PHACTR3: variants seen among roughly 807,000 people sequenced by gnomAD.
The protein encoded by PHACTR3 is phosphatase and actin regulator 3.
A neutral mutation model predicts 66.8 loss-of-function variants in PHACTR3; 16 were observed. The observed-to-expected ratio is 0.24, with a 90% CI of 0.16 to 0.36. PHACTR3 has a LOEUF of 0.36. Among genes scored for constraint, PHACTR3 ranks in the 10% least tolerant of loss-of-function variants. PHACTR3 has a pLI of 1.00. For missense variants in PHACTR3, 647 were observed against 719.9 expected (o/e 0.90, Z 1.16); for synonymous variants, 323 against 292.1 (o/e 1.11, Z -1.08).
chr20:59,784,568 G>A (rs901117408), intron 7 of PHACTR3, among the ~76,000 whole-genome samples: 3 of 152,108 alleles, frequency 2.0e-5, no homozygotes, highest in African/African-American at 7.2e-5. Context: ...GATGAGACGC[G>A]TGAGGTGCAC....
At chr20:59,741,968 G>A (rs1160547837) in intron 1 of PHACTR3, among the ~76,000 whole-genome samples, 2 of 152,064 alleles carry the variant, frequency 1.3e-5, no homozygotes, top group African/African-American at 2.4e-5. Flanking sequence ...TCACCATGTC[G>A]GTCAGGCTGG....
At chr20:59,645,921 G>T (rs1038421997) in intron 1 of PHACTR3, among the ~76,000 whole-genome samples, 1 of 152,132 alleles carries the variant, frequency 6.6e-6, no homozygotes, top group African/African-American at 2.4e-5. Context: ...AGGCTGTTGA[G>T]CCTGGGGCCT....
At chr20:59,650,481 T>A (rs1003113019) in intron 1 of PHACTR3, among the ~76,000 whole-genome samples, 1 of 152,002 alleles carries the variant, frequency 6.6e-6, no homozygotes, top group Non-Finnish European at 1.5e-5. Context: ...TCAATACAAA[T>A]TAAAACAATG....
intron 2 of PHACTR3, among the ~76,000 whole-genome samples, chr20:59,746,885 T>C (rs984979457): frequency 2.6e-5 from 4 of 152,134 alleles, no homozygotes; most frequent in African/African-American, 9.7e-5. Flanking sequence ...ATGTAATTGG[T>C]TCATTGGGAA....
intron 1 of PHACTR3, among the ~76,000 whole-genome samples, chr20:59,635,149 T>TTCTTTCTCTTTCTTTCC (rs1555881160): frequency 3.3e-5 from 2 of 60,378 alleles, no homozygotes; most frequent in African/African-American, 6.6e-5. Context: ...CTTTCTTTCT[T>TTCTTTCTCTTTCTTTCC]TTTCTTTCTT....
At chr20:59,584,170 C>T (rs945285331) in intron 1 of PHACTR3, among the ~76,000 whole-genome samples, 2 of 152,134 alleles carry the variant, frequency 1.3e-5, no homozygotes, top group Admixed American at 1.3e-4. Context: ...TGGGTGGTGC[C>T]CTTAAGGACA....
At chr20:59,670,351 G>A (rs990263147) in intron 1 of PHACTR3, among the ~76,000 whole-genome samples, 7 of 152,162 alleles carry the variant, frequency 4.6e-5, no homozygotes, top group African/African-American at 9.7e-5. Context: ...TCAGAAATGG[G>A]TGGACTATGA....
At chr20:59,808,914 G>A (rs2426844) in intron 8 of PHACTR3, among the ~76,000 whole-genome samples, 68,894 of 151,792 alleles carry the variant, frequency 0.45, 17,418 homozygotes, top group African/African-American at 0.69. Flanking sequence ...CATTCCTCCC[G>A]CCTTCCACTA....
intron 1 of PHACTR3, among the ~76,000 whole-genome samples, chr20:59,670,074 A>G (rs2036138808): frequency 6.6e-6 from 1 of 152,234 alleles, no homozygotes; most frequent in African/African-American, 2.4e-5. Flanking sequence ...TGAACTAGGC[A>G]GGTAAGACTC....
At chr20:59,737,944 T>A (rs1015455366) in intron 1 of PHACTR3, among the ~76,000 whole-genome samples, 3 of 152,246 alleles carry the variant, frequency 2.0e-5, no homozygotes, top group African/African-American at 7.2e-5. Flanking sequence ...AGGACCACTG[T>A]GTGTCAGAGA....
chr20:59,826,460 G>T (rs1007336253), intron 8 of PHACTR3, among the ~76,000 whole-genome samples: 8 of 152,130 alleles, frequency 5.3e-5, no homozygotes, highest in Non-Finnish European at 8.8e-5. Flanking sequence ...GTGGGGTGTG[G>T]GGCACATTCC....
intron 1 of PHACTR3, 123 bp downstream of exon 1, chr20:59,605,255 C>G: frequency 1.6e-6 from 1 of 620,614 alleles, no homozygotes; most frequent in Admixed American, 4.4e-5. Context: ...GGAACCCGCG[C>G]TCGGCCCCGC....
At chr20:59,817,317 C>A (rs1388449758) in intron 8 of PHACTR3, among the ~76,000 whole-genome samples, 1 of 152,236 alleles carries the variant, frequency 6.6e-6, no homozygotes, top group Non-Finnish European at 1.5e-5. Flanking sequence ...GACACCACTG[C>A]CGTCTGGCTG....
Position 59,773,206 on chromosome 20 carries a change from C to T in PHACTR3, c.752-73C>T, listed in dbSNP as rs575809940. ...GGGGAGCGTCCTTTCCGCTCATGGT[C>T]CCCAGTCTCAGCAAAACCCTTGGTC... is the stretch of plus-strand genomic sequence containing the variant. On this transcript the variant is annotated intron_variant, in intron 5 of 12. Transcript: ENST00000371015. 6.1e-5 allele frequency: 93 copies of T among 1,516,322 alleles called. No homozygotes were observed. In the African/African-American group the frequency reaches 1.1e-3, roughly 18 times the overall value. 93.9% of individuals were successfully genotyped at this position (1,516,322 alleles called of 1,614,324 possible).
intron 12 of PHACTR3, among the ~76,000 whole-genome samples, chr20:59,846,311 A>G (rs972108244): frequency 6.6e-6 from 1 of 152,142 alleles, no homozygotes; most frequent in Non-Finnish European, 1.5e-5. Flanking sequence ...CACCTTAACC[A>G]ATGGTTTTAG....
Position 59,619,917 on chromosome 20 carries a change from G to A in PHACTR3, c.118+14785G>A, listed in dbSNP as rs138693152. Among the ~76,000 whole-genome samples the A allele has an allele frequency of 2.7e-3, 415 of 152,280 alleles. 5 individuals are homozygous for A. The highest frequency in any genetic ancestry group is 9.7e-3 in the African/African-American group (404 of 41,558). On this transcript the variant is annotated intron_variant, in intron 1 of 12. Coordinates refer to ENST00000371015, the MANE Select transcript of PHACTR3 (RefSeq NM_080672.5). ...CTGATCTGCGAAATGGGCTGGTCAT[G>A]GCATTGTCCTGAGGCCGCAGGAGGA...
chr20:59,830,558 G>A lies in PHACTR3; in HGVS notation c.1329-5947G>A, dbSNP rs1000981737. Among the ~76,000 whole-genome samples, 3 of 152,172 alleles carry A rather than the reference G, an allele frequency of 2.0e-5. No homozygotes were observed. The highest frequency in any genetic ancestry group is 4.4e-5 in the Non-Finnish European group (3 of 68,014). On this transcript the variant is annotated intron_variant, in intron 8 of 12. Transcript: ENST00000371015. The surrounding 1 kb of genome is among the most constrained non-coding windows in gnomAD (Gnocchi z 5.8). ...GTGTCTGAAGGAGGAGTGATTCTTGGGGATCCAGGCCTGCAAGGAGGCGCT... is the reference window on the plus strand; with the variant it reads ...GTGTCTGAAGGAGGAGTGATTCTTGAGGATCCAGGCCTGCAAGGAGGCGCT...
At chr20:59,605,277 CCA>C in intron 1 of PHACTR3, 145 bp downstream of exon 1, 1 of 506,310 alleles carries the variant, frequency 2.0e-6, no homozygotes, top group Non-Finnish European at 3.1e-6. Context: ...GTTCCTATCC[CCA>C]GTCTCGCAGG....
intron 4 of PHACTR3, among the ~76,000 whole-genome samples, chr20:59,764,808 A>G (rs17805459): frequency 0.022 from 3,397 of 152,302 alleles, 57 homozygotes; most frequent in Non-Finnish European, 0.035. Flanking sequence ...ATATTAAAGG[A>G]CTTCAGAATA....
Sources: gnomAD v4.1 joint callset for allele counts (sites outside exome capture counted in the v4.1 genomes callset) on GRCh38, gnomAD v4.1.1 for gene constraint, Gnocchi (gnomAD v3.1) non-coding constraint, MANE v1.5 for transcripts, NCBI Gene and HGNC (gene_info 2026-07-23, HGNC 2026-07-21) for gene names.